The following GABRB2 variants were observed in gnomAD, a reference collection of about 807,000 sequenced individuals.
The protein encoded by GABRB2 is gamma-aminobutyric acid receptor subunit beta-2.
Under a neutral mutation model 54.7 loss-of-function variants are expected in GABRB2, and 16 were observed. The ratio of observed to expected loss-of-function variants is 0.29; its 90% confidence interval spans 0.20 to 0.44. GABRB2 has a LOEUF of 0.44. GABRB2 is among the 20% of genes least tolerant of loss of function. GABRB2 has a pLI of 1.00. For missense variants in GABRB2, 355 were observed against 644.0 expected, an observed-to-expected ratio of 0.55 and a Z score of 4.86; for synonymous variants, 244 against 233.8, an observed-to-expected ratio of 1.04 and a Z score of -0.40.
intron 5 of GABRB2, among the ~76,000 whole-genome samples, chr5:161,345,021 A>T (rs1754279447): frequency 6.6e-6 from 1 of 152,012 alleles, no homozygotes; most frequent in African/African-American, 2.4e-5. Context: ...AGGGAAGGGA[A>T]CATCACACAC....
chr5:161,297,128 T>C (rs1252983496), intron 9 of GABRB2, among the ~76,000 whole-genome samples: 1 of 152,074 alleles, frequency 6.6e-6, no homozygotes, highest in Non-Finnish European at 1.5e-5. Flanking sequence ...AAAAATCATC[T>C]CAGCCTTACT....
At chr5:161,398,586 T>C (rs1756076409) in intron 5 of GABRB2, among the ~76,000 whole-genome samples, 1 of 151,968 alleles carries the variant, frequency 6.6e-6, no homozygotes, top group Non-Finnish European at 1.5e-5. Context: ...CTAAACACAC[T>C]AAACACTGCT....
intron 5 of GABRB2, among the ~76,000 whole-genome samples, chr5:161,379,143 C>G (rs1755391680): frequency 6.6e-6 from 1 of 152,138 alleles, no homozygotes; most frequent in Admixed American, 6.6e-5. Context: ...AATCTGGCCC[C>G]CTTAAAAAGA....
intron 5 of GABRB2, among the ~76,000 whole-genome samples, chr5:161,358,191 A>G (rs1372667690): frequency 6.6e-6 from 1 of 152,208 alleles, no homozygotes; most frequent in African/African-American, 2.4e-5. Context: ...GGTCAATAAA[A>G]TCAAAGAAGG....
chr5:161,519,717 TG>T (rs1256194565), intron 3 of GABRB2, among the ~76,000 whole-genome samples: 31 of 152,146 alleles, frequency 2.0e-4, no homozygotes, highest in African/African-American at 7.2e-4. Flanking sequence ...TTCACATTTT[TG>T]TAGGAAACTA....
chr5:161,517,483 A>G (rs1759983348), intron 3 of GABRB2, among the ~76,000 whole-genome samples: 1 of 152,152 alleles, frequency 6.6e-6, no homozygotes, highest in South Asian at 2.1e-4. Context: ...CATAGGTTGA[A>G]GTCAATTGAG....
intron 9 of GABRB2, among the ~76,000 whole-genome samples, chr5:161,298,840 A>G (rs1025481306): frequency 6.6e-6 from 1 of 152,224 alleles, no homozygotes; most frequent in African/African-American, 2.4e-5. Flanking sequence ...TTATCCCAGT[A>G]TCCCTGTGGG....
chr5:161,345,323 T>TA (rs911614887), intron 5 of GABRB2, among the ~76,000 whole-genome samples: 3 of 151,804 alleles, frequency 2.0e-5, no homozygotes, highest in South Asian at 2.1e-4. Flanking sequence ...CAAAACAGAA[T>TA]AAAAAAACAA....
chr5:161,407,779 G>A (rs113009971), intron 5 of GABRB2, among the ~76,000 whole-genome samples: 3,651 of 152,076 alleles, frequency 0.024, 147 homozygotes, highest in African/African-American at 0.082. Context: ...GTAAAAGGGG[G>A]CTTTAGGAGC....
rs1177974848 is a variant in GABRB2, at chr5:161,546,603, G to C, written c.41C>G (p.Ser14Cys). ...VRKRGYFGIW[S>C]FPLIIAAVCA... The stretch of plus-strand genomic sequence containing the variant: ...GACAGCGGCGATTATTAAGGGGAAG[G>C]ACCAAATCCCAAAGTAGCCCCTTTT... The change falls in exon 1 of 10, where the codon TCC becomes TGC. Residue 14 changes from serine (S) to cysteine (C), a missense_variant. Transcript: ENST00000393959. 1 of 1,601,284 alleles carries C rather than the reference G, an allele frequency of 6.2e-7. No homozygotes were observed. The highest frequency in any genetic ancestry group is 2.2e-5 in the East Asian group (1 of 44,650).
At chr5:161,406,302 G>A (rs535534474) in intron 5 of GABRB2, among the ~76,000 whole-genome samples, 2 of 152,062 alleles carry the variant, frequency 1.3e-5, no homozygotes, top group South Asian at 4.1e-4. Context: ...ACTGCAGTAG[G>A]CACAGCTGGC....
rs192753738 is a variant in GABRB2 at position 161,545,206 on chromosome 5, G to C, written c.237+21C>G. 2.8e-4 allele frequency: 447 copies of C among 1,573,302 alleles called. No homozygotes were observed. The highest frequency in any genetic ancestry group is 8.6e-4 in the Admixed American group (47 of 54,490). On this transcript the variant is annotated intron_variant, in intron 3 of 9. Coordinates refer to ENST00000393959, the MANE Select transcript of GABRB2 (RefSeq NM_001371727.1). ...CCAAACGAAAGTTTGCAAAGAAGTA[G>C]TCATAAATGTCAATACTCACCATAT...
intron 9 of GABRB2, among the ~76,000 whole-genome samples, chr5:161,314,809 T>C (rs985484831): frequency 1.5e-4 from 23 of 152,128 alleles, no homozygotes; most frequent in African/African-American, 5.3e-4. Flanking sequence ...AGAACTACTT[T>C]CATGATACCA....
chr5:161,366,286 T>G (rs1754971067), intron 5 of GABRB2, among the ~76,000 whole-genome samples: 1 of 152,096 alleles, frequency 6.6e-6, no homozygotes, highest in Non-Finnish European at 1.5e-5. Context: ...ATGCTGCTGA[T>G]GAAGCAATGA....
At chr5:161,320,464 T>C (rs1368382518) in intron 9 of GABRB2, among the ~76,000 whole-genome samples, 1 of 151,868 alleles carries the variant, frequency 6.6e-6, no homozygotes, top group Non-Finnish European at 1.5e-5. Flanking sequence ...TGATTTCCTA[T>C]CACTTCAATT....
intron 3 of GABRB2, among the ~76,000 whole-genome samples, chr5:161,523,947 T>C (rs1161428935): frequency 6.6e-6 from 1 of 151,414 alleles, no homozygotes; most frequent in Non-Finnish European, 1.5e-5. Flanking sequence ...TATAACTTCT[T>C]AGTAGCAAGA....
At chr5:161,488,014 A>G (rs1041456662) in intron 3 of GABRB2, among the ~76,000 whole-genome samples, 4 of 151,908 alleles carry the variant, frequency 2.6e-5, no homozygotes, top group African/African-American at 9.7e-5. Flanking sequence ...ATTAAAATAC[A>G]GATGAACACT....
chr5:161,372,832 G>A (rs1013579508), intron 5 of GABRB2, among the ~76,000 whole-genome samples: 1 of 152,124 alleles, frequency 6.6e-6, no homozygotes, highest in Non-Finnish European at 1.5e-5. Flanking sequence ...GTCAGGCTGT[G>A]TACCGAGCAG....
intron 5 of GABRB2, among the ~76,000 whole-genome samples, chr5:161,376,232 TC>T (rs1257383394): frequency 6.6e-6 from 1 of 152,162 alleles, no homozygotes; most frequent in African/African-American, 2.4e-5. Context: ...AAGTGGGAAC[TC>T]CTCTCTTAAA....
Sources: allele counts gnomAD v4.1 joint callset (sites outside exome capture counted in the v4.1 genomes callset), GRCh38; gene constraint gnomAD v4.1.1; transcripts MANE v1.5; gene names NCBI Gene and HGNC (gene_info 2026-07-23, HGNC 2026-07-21).